CSMD1: variants seen among roughly 807,000 people sequenced by gnomAD.
The protein encoded by CSMD1 is CUB and sushi domain-containing protein 1.
In CSMD1, 213 loss-of-function variants were observed where a neutral mutation model predicts 417.5. The observed-to-expected ratio is 0.51, with a 90% CI of 0.46 to 0.57. CSMD1 has a LOEUF of 0.57. Among genes scored for constraint, CSMD1 ranks in the 20% least tolerant of loss-of-function variants. The pLI, the probability that CSMD1 is intolerant of heterozygous loss-of-function variation, is 0.00. For synonymous variants in CSMD1, 2,862 were observed against 1,736.8 expected (o/e 1.65, Z -16.11); for missense variants, 6,923 against 4,529.7 (o/e 1.53, Z -15.17).
At chr8:4,363,179 C>A (rs1036088805) in intron 3 of CSMD1, among the ~76,000 whole-genome samples, 1 of 152,140 alleles carries the variant, frequency 6.6e-6, no homozygotes, top group African/African-American at 2.4e-5. Flanking sequence ...CAGGCTTAAA[C>A]AGGAAATGCC....
In CSMD1 at chr8:4,432,098, T is replaced by C. The variant is rs7836167; in HGVS notation, c.303-12033A>G. ...GATTAGAATACAGAAATATTGGCTA[T>C]TGAGTTCAAAAAGGTGATTATATAA... On this transcript the variant is annotated intron_variant, in intron 2 of 69. Transcript: ENST00000635120. Among the ~76,000 whole-genome samples the C allele has an allele frequency of 7.3e-4, 111 of 152,314 alleles. 3 individuals carry two copies. Among genetic ancestry groups the C allele is most frequent in the Middle Eastern group, 3.4e-3 (1 of 294 alleles).
chr8:3,412,446 CAG>C (rs1325696641), intron 12 of CSMD1, among the ~76,000 whole-genome samples: 23 of 152,054 alleles, frequency 1.5e-4, no homozygotes, highest in African/African-American at 5.6e-4. Context: ...GAGGTTGATC[CAG>C]AGATGTTATA....
chr8:4,449,170 T>TC (rs1278123948), intron 2 of CSMD1, among the ~76,000 whole-genome samples: 1 of 152,192 alleles, frequency 6.6e-6, no homozygotes, highest in Non-Finnish European at 1.5e-5. Context: ...TATAGATCAC[T>TC]CAAAAGCAAG....
chr8:3,646,285 G>C (rs1349869608), intron 7 of CSMD1, among the ~76,000 whole-genome samples: 3 of 152,070 alleles, frequency 2.0e-5, no homozygotes, highest in Non-Finnish European at 4.4e-5. Flanking sequence ...TTTCTCAGTT[G>C]TAAAAGTATG....
At chr8:3,244,101 A>G (rs1799723026) in intron 26 of CSMD1, among the ~76,000 whole-genome samples, 2 of 152,248 alleles carry the variant, frequency 1.3e-5, no homozygotes, top group South Asian at 2.1e-4. Context: ...TACACAGATC[A>G]CAACGTGCGC....
chr8:3,329,666 C>G (rs1481534991), intron 23 of CSMD1, among the ~76,000 whole-genome samples: 3 of 152,132 alleles, frequency 2.0e-5, no homozygotes, highest in African/African-American at 7.2e-5. Context: ...AAAGTAAAGC[C>G]CCATTACCAG....
At chr8:3,728,604 A>G (rs921873047) in intron 6 of CSMD1, among the ~76,000 whole-genome samples, 4 of 152,134 alleles carry the variant, frequency 2.6e-5, no homozygotes, top group African/African-American at 9.7e-5. Context: ...ACCAAAGAAA[A>G]AGGGCATCTG....
At chr8:4,598,520 G>T (rs1012026052) in intron 2 of CSMD1, among the ~76,000 whole-genome samples, 5 of 152,142 alleles carry the variant, frequency 3.3e-5, no homozygotes, top group African/African-American at 1.2e-4. Flanking sequence ...AGGTGTGGCT[G>T]CTTAGTTACA....
At chr8:4,120,798 G>C (rs559596691) in intron 3 of CSMD1, among the ~76,000 whole-genome samples, 14 of 152,210 alleles carry the variant, frequency 9.2e-5, no homozygotes, top group Non-Finnish European at 1.5e-4. Flanking sequence ...ACAAAAGACA[G>C]AAGCTCATGA....
intron 1 of CSMD1, among the ~76,000 whole-genome samples, chr8:4,868,647 T>G (rs752302285): frequency 6.6e-6 from 1 of 152,064 alleles, no homozygotes; most frequent in Non-Finnish European, 1.5e-5. Flanking sequence ...CTGAAGGTAA[T>G]TGAAAATTAT....
At chr8:3,962,592 G>C (rs1357179067) in intron 5 of CSMD1, among the ~76,000 whole-genome samples, 6 of 152,122 alleles carry the variant, frequency 3.9e-5, no homozygotes, top group Non-Finnish European at 8.8e-5. Context: ...TGAAATCCAT[G>C]CTATGAAGAG....
chr8:3,458,092 C>T (rs867265481), intron 12 of CSMD1, among the ~76,000 whole-genome samples: 2 of 152,324 alleles, frequency 1.3e-5, no homozygotes, highest in South Asian at 2.1e-4. Flanking sequence ...TTTGCTCTAA[C>T]GTGAGCCCCG....
chr8:4,830,525 C>G (rs1379433493), intron 1 of CSMD1, among the ~76,000 whole-genome samples: 1 of 152,186 alleles, frequency 6.6e-6, no homozygotes, highest in Non-Finnish European at 1.5e-5. Flanking sequence ...CAATGGATTA[C>G]CAGGAGATTG....
At chr8:3,681,344 C>G (rs1799650723) in intron 7 of CSMD1, among the ~76,000 whole-genome samples, 1 of 152,154 alleles carries the variant, frequency 6.6e-6, no homozygotes, top group African/African-American at 2.4e-5. Context: ...AGCAAAGTCT[C>G]AGGATACAAA....
intron 2 of CSMD1, among the ~76,000 whole-genome samples, chr8:4,587,518 TC>T (rs886302404): frequency 3.3e-5 from 5 of 152,052 alleles, no homozygotes; most frequent in African/African-American, 1.2e-4. Flanking sequence ...CACATGAATT[TC>T]TCCTTGTCCA....
intron 12 of CSMD1, among the ~76,000 whole-genome samples, chr8:3,443,590 C>G (rs1815125458): frequency 6.6e-6 from 1 of 152,148 alleles, no homozygotes; most frequent in Non-Finnish European, 1.5e-5. Flanking sequence ...GAGAAGGAAG[C>G]AGAAGTGAGA....
chr8:3,299,120 A>G (rs1804187412), intron 25 of CSMD1, among the ~76,000 whole-genome samples: 1 of 152,144 alleles, frequency 6.6e-6, no homozygotes, highest in East Asian at 1.9e-4. Context: ...AAAAGTCAAA[A>G]TGCCAGACAC....
chr8:4,509,929 G>A (rs1412730499), intron 2 of CSMD1, among the ~76,000 whole-genome samples: 1 of 152,128 alleles, frequency 6.6e-6, no homozygotes, highest in African/African-American at 2.4e-5. Flanking sequence ...AGAGGTATAT[G>A]AAAGCCTTAA....
intron 18 of CSMD1, among the ~76,000 whole-genome samples, chr8:3,385,143 A>G (rs1810926352): frequency 7.4e-6 from 1 of 135,328 alleles, no homozygotes. Context: ...ATAATACATA[A>G]TATATAAATA....
Sources: allele counts gnomAD v4.1 joint callset (sites outside exome capture counted in the v4.1 genomes callset), GRCh38; gene constraint gnomAD v4.1.1; transcripts MANE v1.5; gene names NCBI Gene and HGNC (gene_info 2026-07-23, HGNC 2026-07-21).